MGAM2: variants seen among roughly 807,000 people sequenced by gnomAD.
The protein encoded by MGAM2 is probable maltase-glucoamylase 2.
In MGAM2, 98 loss-of-function variants were observed where a neutral mutation model predicts 96.1. The observed-to-expected ratio is 1.02, with a 90% confidence interval of 0.87 to 1.21. The LOEUF (loss-of-function observed/expected upper bound fraction) is 1.21. Ranked by LOEUF, MGAM2 falls within the 50% of genes most tolerant of loss-of-function variation. MGAM2 has a pLI of 0.00. For synonymous variants in MGAM2, 749 were observed against 414.8 expected (o/e 1.81, Z -9.79); for missense variants, 2,055 against 1,182.4 (o/e 1.74, Z -10.82).
At chr7:142,180,586 G>T (rs1325047840) in intron 32 of MGAM2, among the ~76,000 whole-genome samples, 1 of 152,120 alleles carries the variant, frequency 6.6e-6, no homozygotes, top group Admixed American at 6.5e-5. Flanking sequence ...GAACTCTCTA[G>T]CAAGAATGGG....
intron 15 of MGAM2, among the ~76,000 whole-genome samples, chr7:142,151,738 T>C (rs1385526986): frequency 2.0e-5 from 3 of 152,212 alleles, no homozygotes; most frequent in Admixed American, 2.0e-4. Context: ...TATATTCTAA[T>C]AGTTATGGTT....
chr7:142,175,765 A>T lies in MGAM2; in HGVS notation c.3801A>T (p.Arg1267Ser). ...AGCAAATGAAGAAAAATGGCATGAG[A>T]TTTATTCTCATTTTGGTATGTATTG... ...LIEQMKKNGM[R>S]FILILDPAIS... The change falls in exon 32 of 48, where the codon AGA (arginine) becomes AGT (serine). Residue 1267 changes from arginine (R) to serine (S), a missense_variant. Transcript: ENST00000477922. 1.4e-6 allele frequency: 1 copy of T among 702,652 alleles called. No individual in the cohort carries two copies. The highest frequency in any genetic ancestry group is 2.6e-6 in the Non-Finnish European group (1 of 384,890). The allele number at this position is 702,652 out of a possible 1,614,324, so 43.5% of individuals were successfully genotyped here.
At chr7:142,145,498 C>T (rs564200045) in intron 14 of MGAM2, among the ~76,000 whole-genome samples, 1 of 152,158 alleles carries the variant, frequency 6.6e-6, no homozygotes, top group Admixed American at 6.5e-5. Context: ...CATTTCTAGT[C>T]AAGGTCAATT....
At chr7:142,190,980 A>G (rs561814460) in intron 37 of MGAM2, among the ~76,000 whole-genome samples, 1 of 152,104 alleles carries the variant, frequency 6.6e-6, no homozygotes, top group African/African-American at 2.4e-5. Context: ...ACAAAAAACA[A>G]ACAAACTAGC....
intron 3 of MGAM2, among the ~76,000 whole-genome samples, chr7:142,125,452 G>T (rs1794704974): frequency 1.3e-5 from 2 of 152,086 alleles, no homozygotes; most frequent in African/African-American, 4.8e-5. Context: ...CTGACCTTTT[G>T]AATTAGACTG....
chr7:142,169,478 C>G (rs1489848989), intron 26 of MGAM2, among the ~76,000 whole-genome samples: 1 of 151,910 alleles, frequency 6.6e-6, no homozygotes, highest in African/African-American at 2.4e-5. Flanking sequence ...AAATTTGGGA[C>G]TAATAATATG....
chr7:142,131,188 C>G (rs1226892219), intron 4 of MGAM2, 117 bp downstream of exon 4: 15 of 630,620 alleles, frequency 2.4e-5, no homozygotes, highest in Non-Finnish European at 3.7e-5. Flanking sequence ...GTCTGTAATC[C>G]CAGCACTTCG....
intron 3 of MGAM2, among the ~76,000 whole-genome samples, chr7:142,124,714 A>G (rs1462091300): frequency 6.6e-6 from 1 of 152,162 alleles, no homozygotes; most frequent in Non-Finnish European, 1.5e-5. Context: ...ATTCCTAAAC[A>G]TGGTATATAT....
intron 28 of MGAM2, 95 bp from the exon 29 acceptor site, chr7:142,172,003 A>T (rs904110333): frequency 7.8e-6 from 4 of 514,652 alleles, no homozygotes; most frequent in Non-Finnish European, 1.4e-5. Context: ...CATTGAGCTG[A>T]ATCTTTAATG....
At chr7:142,166,834 A>C (rs538638919) in intron 25 of MGAM2, among the ~76,000 whole-genome samples, 2 of 152,236 alleles carry the variant, frequency 1.3e-5, no homozygotes, top group Admixed American at 1.3e-4. Context: ...ATAGAATGAC[A>C]GGAATTTATT....
intron 1 of MGAM2, among the ~76,000 whole-genome samples, chr7:142,115,224 A>T (rs193162521): frequency 3.3e-5 from 5 of 152,348 alleles, no homozygotes; most frequent in African/African-American, 9.6e-5. Context: ...AAAATAAAAT[A>T]AAAATAAAAT....
At chr7:142,125,532 C>G (rs1241005292) in intron 3 of MGAM2, among the ~76,000 whole-genome samples, 12 of 152,082 alleles carry the variant, frequency 7.9e-5, no homozygotes, top group African/African-American at 2.4e-4. Flanking sequence ...ACAGGCCACC[C>G]AGACCCCCAA....
intron 47 of MGAM2, among the ~76,000 whole-genome samples, chr7:142,219,001 G>C (rs555004933): frequency 6.6e-6 from 1 of 152,200 alleles, no homozygotes; most frequent in South Asian, 2.1e-4. Context: ...GGTAATCTTC[G>C]AATGAATACA....
intron 31 of MGAM2, among the ~76,000 whole-genome samples, chr7:142,173,762 T>A (rs941530186): frequency 6.6e-6 from 1 of 152,140 alleles, no homozygotes. Flanking sequence ...TCAACAATCA[T>A]GGTTTGAGTA....
intron 20 of MGAM2, among the ~76,000 whole-genome samples, chr7:142,159,584 C>T (rs1186924937): frequency 6.6e-6 from 1 of 152,086 alleles, no homozygotes; most frequent in Non-Finnish European, 1.5e-5. Context: ...CTGGCAAGTC[C>T]AAGATCAAGG....
intron 17 of MGAM2, among the ~76,000 whole-genome samples, chr7:142,156,632 G>T (rs1795744433): frequency 6.6e-6 from 1 of 152,164 alleles, no homozygotes; most frequent in African/African-American, 2.4e-5. Flanking sequence ...TGACAACCAG[G>T]GTGATGGAGG....
chr7:142,116,567 C>A (rs1046370148), intron 1 of MGAM2, among the ~76,000 whole-genome samples: 2 of 152,210 alleles, frequency 1.3e-5, no homozygotes, highest in Non-Finnish European at 2.9e-5. Context: ...CCCCTCATCT[C>A]TCTTCTGTGT....
intron 15 of MGAM2, among the ~76,000 whole-genome samples, chr7:142,152,480 C>T (rs1795610145): frequency 6.6e-6 from 1 of 151,974 alleles, no homozygotes; most frequent in African/African-American, 2.4e-5. Context: ...TTTCTTAAAG[C>T]AGTTTTCCGT....
Position 142,131,576 on chromosome 7 carries a change from C to T in MGAM2, c.369C>T (p.Ala123=). 1 of 703,062 alleles carries T rather than the reference C, an allele frequency of 1.4e-6. No individual in the cohort carries two copies. The highest frequency in any genetic ancestry group is 2.6e-6 in the Non-Finnish European group (1 of 384,990). 43.6% of individuals were successfully genotyped at this position (703,062 alleles called of 1,614,324 possible). ...CATCTCTGTTTGGAAATGATGTCGC[C>T]ACCACCCTTTTCACAGCTGAATATC... ...PSPSLFGNDV[A]TTLFTAEYQT... Residue 123 remains alanine, a synonymous_variant, in exon 5 of 48, where the codon GCC becomes GCT. Coordinates refer to ENST00000477922, the MANE Select transcript of MGAM2 (RefSeq NM_001293626.2).
Sources: allele counts gnomAD v4.1 joint callset (sites outside exome capture counted in the v4.1 genomes callset), GRCh38; gene constraint gnomAD v4.1.1; transcripts MANE v1.5; gene names NCBI Gene and HGNC (gene_info 2026-07-23, HGNC 2026-07-21).